The following CNTLN variants were observed in gnomAD, a reference collection of about 807,000 sequenced individuals.
The protein encoded by CNTLN is centlein, centrosomal protein.
Under a neutral mutation model 180.0 loss-of-function variants are expected in CNTLN, and 212 were observed. The ratio of observed to expected loss-of-function variants is 1.18; its 90% CI spans 1.05 to 1.32. The LOEUF (loss-of-function observed/expected upper bound fraction) is 1.32, where lower values mean the gene tolerates loss of function less well. Among genes scored for constraint, CNTLN ranks in the 40% most tolerant of loss-of-function variants. The pLI is 0.00. For missense variants in CNTLN, 2,095 were observed against 1,610.9 expected, an observed-to-expected ratio of 1.30 and a Z score of -5.14; for synonymous variants, 722 against 563.1, an observed-to-expected ratio of 1.28 and a Z score of -3.99.
At chr9:17,411,455 C>T (rs1183993498) in intron 16 of CNTLN, among the ~76,000 whole-genome samples, 2 of 152,278 alleles carry the variant, frequency 1.3e-5, no homozygotes, top group African/African-American at 4.8e-5. Flanking sequence ...ACCTCTCCTC[C>T]TCCTATCAGG....
intron 14 of CNTLN, among the ~76,000 whole-genome samples, chr9:17,392,303 T>C (rs972089106): frequency 3.3e-5 from 5 of 152,158 alleles, no homozygotes; most frequent in Non-Finnish European, 5.9e-5. Flanking sequence ...AAATATGTAT[T>C]TAAAAAATAG....
chr9:17,199,203 CTTTTTTTTTTTTTTT>C (rs763632027), intron 2 of CNTLN, among the ~76,000 whole-genome samples: 1 of 73,806 alleles, frequency 1.4e-5, no homozygotes, highest in East Asian at 3.9e-4. Context: ...TGTTTCTTGA[CTTTTTTTTTTTTTTT>C]TTTTTTTTTT....
chr9:17,259,983 A>T (rs56301497), intron 5 of CNTLN, among the ~76,000 whole-genome samples: 8,250 of 114,202 alleles, frequency 0.072, 500 homozygotes, highest in East Asian at 0.18. Flanking sequence ...CCTTCAGTTC[A>T]GCTCTGATGT....
chr9:17,354,463 C>T (rs1455755431), intron 12 of CNTLN, among the ~76,000 whole-genome samples: 3 of 152,122 alleles, frequency 2.0e-5, no homozygotes, highest in South Asian at 2.1e-4. Flanking sequence ...ATACACCAAT[C>T]GGCACTCTGT....
intron 8 of CNTLN, among the ~76,000 whole-genome samples, chr9:17,325,368 ATGTGTATGTATGTGTG>A (rs1335582227): frequency 1.5e-5 from 1 of 67,526 alleles, no homozygotes; most frequent in Non-Finnish European, 3.4e-5. Context: ...GTGTGTGTGC[ATGTGTATGTATGTGTG>A]TGTGTGTGTG....
intron 2 of CNTLN, among the ~76,000 whole-genome samples, chr9:17,212,782 G>A (rs1587173370): frequency 6.6e-6 from 1 of 152,080 alleles, no homozygotes; most frequent in African/African-American, 2.4e-5. Flanking sequence ...TTTAGTCTTC[G>A]GAGGGTGTAT....
chr9:17,302,119 C>G (rs13297770), intron 7 of CNTLN: 11 of 602,992 alleles, frequency 1.8e-5, no homozygotes, highest in East Asian at 1.8e-4. Context: ...CACACACACA[C>G]AGACACACAC....
intron 2 of CNTLN, among the ~76,000 whole-genome samples, chr9:17,177,485 T>G (rs915497974): frequency 2.0e-5 from 3 of 152,182 alleles, no homozygotes; most frequent in Non-Finnish European, 4.4e-5. Context: ...CTCACTGACT[T>G]CAACAAAGAA....
At chr9:17,194,090 T>C (rs1821966184) in intron 2 of CNTLN, among the ~76,000 whole-genome samples, 1 of 152,184 alleles carries the variant, frequency 6.6e-6, no homozygotes, top group African/African-American at 2.4e-5. Context: ...ACAGGGACCC[T>C]GGGCCCGGCC....
intron 7 of CNTLN, chr9:17,299,975 TC>T (rs1017629222): frequency 5.7e-6 from 1 of 175,780 alleles, no homozygotes. Context: ...GTGAAAATGT[TC>T]CAGGCCTCAC....
intron 5 of CNTLN, among the ~76,000 whole-genome samples, chr9:17,252,119 C>A (rs1442522285): frequency 6.6e-6 from 1 of 151,682 alleles, no homozygotes; most frequent in East Asian, 1.9e-4. Context: ...ACCACATTTT[C>A]TTTATGCATT....
chr9:17,271,029 C>A (rs1463200957), intron 5 of CNTLN, among the ~76,000 whole-genome samples: 1 of 147,718 alleles, frequency 6.8e-6, no homozygotes, highest in East Asian at 2.0e-4. Flanking sequence ...TGGCTCACTG[C>A]AATCTCAGCC....
intron 13 of CNTLN, among the ~76,000 whole-genome samples, chr9:17,375,896 G>C (rs536093866): frequency 8.5e-5 from 13 of 152,252 alleles, no homozygotes; most frequent in Middle Eastern, 3.4e-3. Flanking sequence ...TACCTCATTA[G>C]AAAAATTAAA....
At chr9:17,224,715 T>C (rs752391005) in intron 2 of CNTLN, among the ~76,000 whole-genome samples, 24 of 152,184 alleles carry the variant, frequency 1.6e-4, no homozygotes, top group Middle Eastern at 3.4e-3. Flanking sequence ...TACATCTACC[T>C]GATTGTGTTT....
chr9:17,370,416 G>A (rs1824219588), intron 13 of CNTLN, among the ~76,000 whole-genome samples: 1 of 151,966 alleles, frequency 6.6e-6, no homozygotes, highest in Non-Finnish European at 1.5e-5. Flanking sequence ...TTAAAGTGCT[G>A]AAGGAAAAAA....
intron 2 of CNTLN, among the ~76,000 whole-genome samples, chr9:17,204,875 A>C (rs550329027): frequency 1.1e-4 from 16 of 152,292 alleles, no homozygotes; most frequent in African/African-American, 2.2e-4. Context: ...TTTCCTTCAC[A>C]AATGCCCTGC....
chr9:17,300,715 C>G (rs975655534), intron 7 of CNTLN: 1 of 147,116 alleles, frequency 6.8e-6, no homozygotes, highest in African/African-American at 2.8e-5. Context: ...AATAAAAAAC[C>G]TAAGTTCTTA....
intron 2 of CNTLN, among the ~76,000 whole-genome samples, chr9:17,149,049 T>C (rs1818655208): frequency 6.6e-6 from 1 of 152,162 alleles, no homozygotes; most frequent in African/African-American, 2.4e-5. Context: ...CTCCCACTAA[T>C]GAGTGAGAAC....
intron 8 of CNTLN, among the ~76,000 whole-genome samples, chr9:17,320,648 A>T (rs1397300654): frequency 6.6e-6 from 1 of 151,978 alleles, no homozygotes; most frequent in Non-Finnish European, 1.5e-5. Flanking sequence ...GATTACAGGC[A>T]CGAGCCTCCA....
Sources: allele counts gnomAD v4.1 joint callset (sites outside exome capture counted in the v4.1 genomes callset), GRCh38; gene constraint gnomAD v4.1.1; transcripts MANE v1.5; gene names NCBI Gene and HGNC (gene_info 2026-07-23, HGNC 2026-07-21).